SPON1: variants seen among roughly 807,000 people sequenced by gnomAD.
The protein encoded by SPON1 is spondin 1.
Under a neutral mutation model 111.7 loss-of-function variants are expected in SPON1, and 52 were observed. The observed-to-expected ratio is 0.47, with a 90% CI of 0.37 to 0.59. The LOEUF (loss-of-function observed/expected upper bound fraction) is 0.59, where lower values mean the gene tolerates loss of function less well. Among genes scored for constraint, SPON1 ranks in the 20% least tolerant of loss-of-function variants. SPON1 has a pLI of 0.00. For missense variants in SPON1, 957 were observed against 1,068.5 expected (o/e 0.90, Z 1.46); for synonymous variants, 410 against 395.8 (o/e 1.04, Z -0.43).
chr11:14,026,568 C>T (rs868994690), intron 2 of SPON1, among the ~76,000 whole-genome samples: 1 of 152,146 alleles, frequency 6.6e-6, no homozygotes, highest in Non-Finnish European at 1.5e-5. Context: ...AGTTTATTCT[C>T]AAGGCGAGGG....
At chr11:14,078,555 G>T (rs547185072) in intron 4 of SPON1, among the ~76,000 whole-genome samples, 1 of 152,236 alleles carries the variant, frequency 6.6e-6, no homozygotes, top group East Asian at 1.9e-4. Flanking sequence ...CTATCCAGAT[G>T]AGGTCTTTCC....
At chr11:14,260,897 GTTAC>G in intron 14 of SPON1, 145 bp downstream of exon 14, 1 of 835,606 alleles carries the variant, frequency 1.2e-6, no homozygotes, top group Non-Finnish European at 1.8e-6. Flanking sequence ...AGTGTTTGCA[GTTAC>G]TTAAACACTG....
At chr11:14,213,175 T>G (rs533352031) in intron 6 of SPON1, among the ~76,000 whole-genome samples, 4 of 152,194 alleles carry the variant, frequency 2.6e-5, no homozygotes, top group Non-Finnish European at 5.9e-5. Context: ...AAATGAGCTT[T>G]GTTCATCCTT....
intron 2 of SPON1, among the ~76,000 whole-genome samples, chr11:13,986,975 T>C (rs1848190477): frequency 6.6e-6 from 1 of 152,246 alleles, no homozygotes; most frequent in Non-Finnish European, 1.5e-5. Context: ...GATGGACATT[T>C]GGGTTGGTTC....
In SPON1 at chr11:14,259,205, G is replaced by A. The variant is rs1349526762; in HGVS notation, c.1493-75G>A. On this transcript the variant is annotated intron_variant, in intron 11 of 15. Coordinates refer to ENST00000576479, the MANE Select transcript of SPON1 (RefSeq NM_006108.4). The surrounding 1 kb of genome is among the most constrained non-coding windows in gnomAD (Gnocchi z 5.0). ...GACTCCTCTTGATTCCCGCTGGCGG[G>A]AAGTTCCCACCGCGCAGCCTGGCAG... The A allele has an allele frequency of 1.4e-6, 2 of 1,466,508 alleles. No homozygotes were observed. Among genetic ancestry groups the A allele is most frequent in the Non-Finnish European group, 1.8e-6 (2 of 1,099,636 alleles). 90.8% of individuals were successfully genotyped at this position (1,466,508 alleles called of 1,614,324 possible).
In SPON1 at chr11:14,080,119, C is replaced by T. The variant is rs1848950177; in HGVS notation, c.676+98C>T. ...TAGCTGCAGCATGTCAGATCTGCTC[C>T]CTAGTATTGGCTGGTTCATGAAATG... On this transcript the variant is annotated intron_variant, in intron 5 of 15. Coordinates refer to ENST00000576479, the MANE Select transcript of SPON1 (RefSeq NM_006108.4). 2.8e-6 allele frequency: 4 copies of T among 1,430,220 alleles called. No individual in the cohort carries two copies. The Admixed American group carries it at 5.3e-5, about 19-fold the overall frequency. 88.6% of individuals were successfully genotyped at this position (1,430,220 alleles called of 1,614,324 possible). A position where few individuals can be genotyped will look rare whatever the true frequency, so the allele number is the denominator to read the frequency against.
intron 6 of SPON1, among the ~76,000 whole-genome samples, chr11:14,185,791 G>A (rs1848280370): frequency 6.6e-6 from 1 of 152,228 alleles, no homozygotes; most frequent in Admixed American, 6.5e-5. Context: ...AAGATGAGCA[G>A]CGCCCCTTCT....
At chr11:14,240,228 G>A (rs1212743173) in intron 6 of SPON1, among the ~76,000 whole-genome samples, 6 of 152,170 alleles carry the variant, frequency 3.9e-5, no homozygotes, top group Admixed American at 6.5e-5. Flanking sequence ...GGCCATGAAT[G>A]AGCAAGATTC....
intron 2 of SPON1, among the ~76,000 whole-genome samples, chr11:14,026,891 A>G (rs984473802): frequency 3.9e-5 from 6 of 152,178 alleles, no homozygotes; most frequent in Admixed American, 1.3e-4. Flanking sequence ...CTCTTTTGAC[A>G]TGTAAGTGAG....
In SPON1 at chr11:14,191,810, ACAGT is replaced by A. The variant is rs1209365228; in HGVS notation, c.826-51518_826-51515del. Among the ~76,000 whole-genome samples the A allele has an allele frequency of 4.6e-5, 7 of 152,232 alleles. 1 individual carries two copies. Among genetic ancestry groups the A allele is most frequent in the South Asian group, 4.1e-4 (2 of 4,834 alleles). ...GAAAGCTGTAATGGTCAGACAAGAG[ACAGT>A]CAGAATCCAAGGAGTCCTGTATTTT... On this transcript the variant is annotated intron_variant, in intron 6 of 15. Coordinates refer to ENST00000576479, the MANE Select transcript of SPON1 (RefSeq NM_006108.4).
rs547493192 is a variant in SPON1 at position 14,159,731 on chromosome 11, G to A, written c.825+24163G>A. Among the ~76,000 whole-genome samples, 26 of 152,104 alleles carry A rather than the reference G, an allele frequency of 1.7e-4. No homozygotes were observed. In the South Asian group the frequency reaches 1.9e-3, roughly 11 times the overall value. ...AGAAGAATGAGATCCAGTCATCTGCGACAACATGGATGGAACTGGATATCA... is the reference window on the plus strand; with the variant it reads ...AGAAGAATGAGATCCAGTCATCTGCAACAACATGGATGGAACTGGATATCA... On this transcript the variant is annotated intron_variant, in intron 6 of 15. Transcript: ENST00000576479.
chr11:14,261,237 T>C (rs1290903459), intron 14 of SPON1, among the ~76,000 whole-genome samples: 1 of 152,090 alleles, frequency 6.6e-6, no homozygotes, highest in Non-Finnish European at 1.5e-5. Context: ...CCCGCTCCAC[T>C]CCCAGTCCTG....
intron 5 of SPON1, among the ~76,000 whole-genome samples, chr11:14,102,475 G>C (rs12577594): frequency 6.6e-6 from 1 of 152,010 alleles, no homozygotes; most frequent in Non-Finnish European, 1.5e-5. Context: ...TTAACAGCAC[G>C]TCTCAATTCA....
At chr11:14,097,593 C>CA (rs1849111615) in intron 5 of SPON1, among the ~76,000 whole-genome samples, 1 of 152,074 alleles carries the variant, frequency 6.6e-6, no homozygotes, top group Admixed American at 6.5e-5. Context: ...CCTTGGGTTA[C>CA]ATAAGTAATC....
At chr11:14,160,975 T>TTATATATTTA (rs1313212989) in intron 6 of SPON1, among the ~76,000 whole-genome samples, 1 of 48,716 alleles carries the variant, frequency 2.1e-5, no homozygotes, top group African/African-American at 8.3e-5. Context: ...ATATATATTT[T>TTATATATTTA]TATATATTTA....
At chr11:14,002,027 T>A (rs1848322854) in intron 2 of SPON1, among the ~76,000 whole-genome samples, 1 of 152,142 alleles carries the variant, frequency 6.6e-6, no homozygotes, top group African/African-American at 2.4e-5. Context: ...GACTTAGTCA[T>A]GATCAGGCAC....
intron 3 of SPON1, among the ~76,000 whole-genome samples, chr11:14,045,408 T>A (rs1848661227): frequency 6.6e-6 from 1 of 151,784 alleles, no homozygotes; most frequent in Non-Finnish European, 1.5e-5. Flanking sequence ...GAAACCCCCG[T>A]CTCTTCTAAA....
chr11:14,238,826 T>C (rs1225458171), intron 6 of SPON1, among the ~76,000 whole-genome samples: 2 of 152,178 alleles, frequency 1.3e-5, no homozygotes, highest in Non-Finnish European at 2.9e-5. Flanking sequence ...CTTTGGGTTT[T>C]TTCCTATTTT....
intron 2 of SPON1, among the ~76,000 whole-genome samples, chr11:13,987,605 T>TTTAGACATGAAGTCTTTGCCCA (rs1848195494): frequency 3.3e-5 from 5 of 152,210 alleles, no homozygotes; most frequent in Admixed American, 3.3e-4. Flanking sequence ...GCTTTGGTGT[T>TTTAGACATGAAGTCTTTGCCCA]TTAGACATGA....
Sources: allele counts gnomAD v4.1 joint callset (sites outside exome capture counted in the v4.1 genomes callset), GRCh38; gene constraint gnomAD v4.1.1; non-coding constraint Gnocchi (gnomAD v3.1); transcripts MANE v1.5; gene names NCBI Gene and HGNC (gene_info 2026-07-23, HGNC 2026-07-21).